Variants in GALC observed in about 807,000 individuals in gnomAD.
The protein encoded by GALC is galactosylceramidase.
In GALC, 77 loss-of-function variants were observed where a neutral mutation model predicts 91.8. The observed-to-expected ratio is 0.84, with a 90% confidence interval of 0.70 to 1.01. The LOEUF (loss-of-function observed/expected upper bound fraction) is 1.01, where lower values mean the gene tolerates loss of function less well. GALC is among the 50% of genes least tolerant of loss of function. The pLI is 0.00. For missense variants in GALC, 882 were observed against 855.9 expected (o/e 1.03, Z -0.38); for synonymous variants, 357 against 306.7 (o/e 1.16, Z -1.71).
rs1349609870 is a variant in GALC at position 87,934,046 on chromosome 14, T to C, written c.*686A>G. On this transcript the variant is annotated 3_prime_UTR_variant, in exon 17 of 17. Transcript: ENST00000261304. ...GTTATAGTGGTTACAAGACCAAAAC[T>C]TGGAATCAAAAAAATTAAATAATGC... 3 of 1,532,830 alleles carry C rather than the reference T, an allele frequency of 2.0e-6. No homozygotes were observed. In the African/African-American group the frequency reaches 4.1e-5, roughly 21 times the overall value. The allele number at this position is 1,532,830 out of a possible 1,614,324, so 95.0% of individuals were successfully genotyped here. A position where few individuals can be genotyped will look rare whatever the true frequency, so the allele number is the denominator to read the frequency against.
At chr14:87,978,112 G>C (rs973703021) in intron 6 of GALC, among the ~76,000 whole-genome samples, 8 of 152,170 alleles carry the variant, frequency 5.3e-5, no homozygotes, top group Non-Finnish European at 1.0e-4. Context: ...GGGTGTAATG[G>C]CATGATATCG....
chr14:87,988,186 G>T lies in GALC; in HGVS notation c.286C>A (p.His96Asn). The change falls in exon 3 of 17, where the codon CAT (histidine) becomes AAT (asparagine). Residue 96 changes from histidine to asparagine, a missense_variant. By Grantham distance (68) the His-to-Asn change is moderately conservative. Transcript: ENST00000261304. ...LFKPNFGASL[H>N]ILKVEIGGDG... is the part of the protein sequence containing the mutation. ...CCACCTATTTCCACTTTTAAAATATGCAAAGAGGCACCAAAATTCGGCTGT... is the reference window on the plus strand; with the variant it reads ...CCACCTATTTCCACTTTTAAAATATTCAAAGAGGCACCAAAATTCGGCTGT... The T allele has an allele frequency of 1.2e-6, 2 of 1,613,654 alleles. No homozygotes were observed. The highest frequency in any genetic ancestry group is 1.1e-5 in the South Asian group (1 of 91,068).
intron 8 of GALC, among the ~76,000 whole-genome samples, chr14:87,966,173 G>C (rs975251724): frequency 1.3e-5 from 2 of 152,138 alleles, no homozygotes; most frequent in African/African-American, 4.8e-5. Flanking sequence ...TCTCACGTGA[G>C]TTTGTAAGGA....
intron 8 of GALC, among the ~76,000 whole-genome samples, chr14:87,966,516 T>A (rs944544382): frequency 1.3e-5 from 2 of 152,188 alleles, no homozygotes; most frequent in Non-Finnish European, 2.9e-5. Flanking sequence ...AAAAAGAGAC[T>A]GACATTCTTA....
chr14:87,971,899 ATAAGGC>A (rs59678856), intron 7 of GALC, among the ~76,000 whole-genome samples: 2,207 of 152,260 alleles, frequency 0.014, 62 homozygotes, highest in African/African-American at 0.051. Flanking sequence ...TCCAAGTTGA[ATAAGGC>A]AGGAACGCTT....
At chr14:87,971,174 C>T (rs985569872) in intron 7 of GALC, among the ~76,000 whole-genome samples, 5 of 152,098 alleles carry the variant, frequency 3.3e-5, no homozygotes, top group African/African-American at 7.2e-5. Flanking sequence ...GATAACACTG[C>T]CATCAAACCA....
Position 87,988,532 on chromosome 14 carries a change from A to C in GALC, c.196-9T>G, listed in dbSNP as rs776907825. ...AGAAGTCGGGAGGTTGCCTAAAAAAAAAAGTTTTCAAAAGTATGAATAAAA... is the reference window on the plus strand; with the variant it reads ...AGAAGTCGGGAGGTTGCCTAAAAAACAAAGTTTTCAAAAGTATGAATAAAA... On this transcript the variant is annotated splice_polypyrimidine_tract_variant and intron_variant, in intron 1 of 16. Transcript: ENST00000261304. The C allele has an allele frequency of 2.1e-5, 33 of 1,586,484 alleles. No individual in the cohort carries two copies. The highest frequency in any genetic ancestry group is 2.9e-5 in the Non-Finnish European group (33 of 1,154,920).
intron 7 of GALC, among the ~76,000 whole-genome samples, chr14:87,968,708 A>T (rs1188489601): frequency 6.6e-6 from 1 of 152,216 alleles, no homozygotes; most frequent in Non-Finnish European, 1.5e-5. Context: ...ACAAAAGGGG[A>T]TAAACCTACA....
At chr14:87,983,863 A>G (rs1886853446) in intron 5 of GALC, among the ~76,000 whole-genome samples, 1 of 152,220 alleles carries the variant, frequency 6.6e-6, no homozygotes, top group African/African-American at 2.4e-5. Context: ...TAATTTTACA[A>G]CTTGAGAGCT....
At chr14:87,952,857 T>A in intron 10 of GALC, 1 of 1,159,642 alleles carries the variant, frequency 8.6e-7, no homozygotes, top group Admixed American at 1.8e-5. Context: ...TATGCAAATA[T>A]GTGGATTTGA....
rs955620835 is a variant in GALC at position 87,933,798 on chromosome 14, T to C, written c.*934A>G. The C allele has an allele frequency of 3.6e-6, 2 of 550,476 alleles. No homozygotes were observed. Among genetic ancestry groups the C allele is most frequent in the South Asian group, 5.6e-5 (2 of 35,860 alleles). The allele number at this position is 550,476 out of a possible 1,614,324, so 34.1% of individuals were successfully genotyped here. A position where few individuals can be genotyped will look rare whatever the true frequency, so the allele number is the denominator to read the frequency against. On this transcript the variant is annotated 3_prime_UTR_variant, in exon 17 of 17. Coordinates refer to ENST00000261304, the MANE Select transcript of GALC (RefSeq NM_000153.4). ...TGGACTTTAAAAAGTAAGTACATCT[T>C]AGGAGATGATCCAATTCTGGGAGTT...
upstream of GALC, chr14:87,993,235 G>A (rs952835457): frequency 6.5e-6 from 10 of 1,545,386 alleles, no homozygotes; most frequent in Non-Finnish European, 7.0e-6. Flanking sequence ...ACGGGCAGGA[G>A]GCCGCTGATG....
intron 16 of GALC, among the ~76,000 whole-genome samples, chr14:87,936,476 G>A (rs996812765): frequency 4.0e-5 from 6 of 151,100 alleles, no homozygotes; most frequent in Admixed American, 6.6e-5. Context: ...TACAATAGCC[G>A]AACTGGGTAG....
Position 87,934,636 on chromosome 14 carries a change from C to T in GALC, c.*96G>A. On this transcript the variant is annotated 3_prime_UTR_variant, in exon 17 of 17. Transcript: ENST00000261304. ...CTTCATTATTTTTAGTCTCAAAAGC[C>T]TCATATACTGTTCCAATGAAACAAG... is the stretch of plus-strand genomic sequence containing the variant. 1 of 1,602,684 alleles carries T rather than the reference C, an allele frequency of 6.2e-7. No individual in the cohort carries two copies. The highest frequency in any genetic ancestry group is 8.5e-7 in the Non-Finnish European group (1 of 1,175,872).
At chr14:87,966,427 T>C (rs1886056377) in intron 8 of GALC, among the ~76,000 whole-genome samples, 1 of 150,932 alleles carries the variant, frequency 6.6e-6, no homozygotes. Flanking sequence ...TTGGTATTGT[T>C]GGGTCCCTCA....
intron 3 of GALC, among the ~76,000 whole-genome samples, 187 bp from the exon 4 acceptor site, chr14:87,986,789 CT>C (rs572448811): frequency 1.9e-3 from 289 of 151,812 alleles, no homozygotes; most frequent in African/African-American, 6.9e-3. Context: ...TCATTTCATC[CT>C]TTTTTTATTA....
intron 9 of GALC, among the ~76,000 whole-genome samples, chr14:87,964,452 T>C (rs1482974175): frequency 6.6e-6 from 1 of 152,164 alleles, no homozygotes; most frequent in Non-Finnish European, 1.5e-5. Context: ...TAATAAATGT[T>C]TATAATCTTT....
In GALC at chr14:87,993,003, C is replaced by T. The variant is rs1191745338; in HGVS notation, c.162G>A (p.Glu54=). The T allele has an allele frequency of 1.3e-6, 2 of 1,539,284 alleles. No individual in the cohort carries two copies. The highest frequency in any genetic ancestry group is 1.7e-6 in the Non-Finnish European group (2 of 1,150,846). Residue 54 remains glutamate (E), a synonymous_variant, in exon 1 of 17, where the codon GAG becomes GAA. Coordinates refer to ENST00000261304, the MANE Select transcript of GALC (RefSeq NM_000153.4). ...VLDDSDGLGR[E]FDGIGAVSGG... ...CGCTGACCGCGCCGATGCCGTCGAA[C>T]TCCCGGCCCAGCCCGTCGGAGTCGT...
chr14:87,956,346 C>T (rs759757130), intron 10 of GALC, among the ~76,000 whole-genome samples: 70 of 151,886 alleles, frequency 4.6e-4, no homozygotes, highest in Non-Finnish European at 7.2e-4. Context: ...AACAACAAGC[C>T]TCAAGGGGGA....
Sources: allele counts gnomAD v4.1 joint callset (sites outside exome capture counted in the v4.1 genomes callset), GRCh38; gene constraint gnomAD v4.1.1; transcripts MANE v1.5; gene names NCBI Gene and HGNC (gene_info 2026-07-23, HGNC 2026-07-21).